RXRA: variants seen among roughly 807,000 people sequenced by gnomAD.
The protein encoded by RXRA is retinoid X receptor alpha.
In RXRA, 5 loss-of-function variants were observed where a neutral mutation model predicts 44.5. The observed-to-expected ratio is 0.11, with a 90% CI of 0.06 to 0.24. The LOEUF is 0.24. RXRA is among the 10% of genes least tolerant of loss of function. The pLI, the probability that RXRA is intolerant of heterozygous loss-of-function variation, is 1.00. For missense variants in RXRA, 412 were observed against 646.5 expected (o/e 0.64, Z 3.93); for synonymous variants, 291 against 271.4 (o/e 1.07, Z -0.71).
intron 1 of RXRA, among the ~76,000 whole-genome samples, chr9:134,367,716 C>G (rs1191269822): frequency 6.6e-6 from 1 of 152,218 alleles, no homozygotes; most frequent in African/African-American, 2.4e-5. Flanking sequence ...CCAAGGGGCA[C>G]AGAGCCTCCT....
At position 134,411,414 on chromosome 9, in the gene RXRA, C is replaced by G. The variant is rs1831146766; in HGVS notation, c.610+2295C>G. Among the ~76,000 whole-genome samples, 3 of 152,204 alleles carry G rather than the reference C, an allele frequency of 2.0e-5. No individual in the cohort carries two copies. In the South Asian group the frequency reaches 6.2e-4, roughly 31 times the overall value. On this transcript the variant is annotated intron_variant, in intron 4 of 9. Transcript: ENST00000481739. ...TAGGAGCAGCTCATGTGGGGGACCA[C>G]CCTGGACACCCCCTTCCTGATCCCC...
intron 2 of RXRA, chr9:134,402,703 C>G (rs1314168093): frequency 6.6e-6 from 1 of 152,112 alleles, no homozygotes; most frequent in Admixed American, 6.5e-5. Flanking sequence ...GGCTGGGCCT[C>G]GTCCCCTGGC....
At chr9:134,392,547 C>T (rs1830816391) in intron 1 of RXRA, among the ~76,000 whole-genome samples, 1 of 152,176 alleles carries the variant, frequency 6.6e-6, no homozygotes, top group African/African-American at 2.4e-5. Flanking sequence ...CGATTTCCAT[C>T]ACGGCTCTCC....
rs557051043 is a variant in RXRA, at chr9:134,417,822, G to A, written c.780+495G>A. 2.0e-5 allele frequency among the ~76,000 whole-genome samples: 3 copies of A among 152,148 alleles called. No individual in the cohort carries two copies. In the South Asian group the frequency reaches 6.2e-4, roughly 32 times the overall value. ...CCCGGCAGTCGCGGTGGCTGCTGTTGATACAGGAAGCAGCTCTGCAGCCCC... is the reference window on the plus strand; with the variant it reads ...CCCGGCAGTCGCGGTGGCTGCTGTTAATACAGGAAGCAGCTCTGCAGCCCC... On this transcript the variant is annotated intron_variant, in intron 5 of 9. Transcript: ENST00000481739. This position sits in a 1 kb window ranked among gnomAD's most constrained non-coding sequence, Gnocchi z 6.1.
chr9:134,340,500 T>G (rs976478204), intron 1 of RXRA, among the ~76,000 whole-genome samples: 1 of 152,114 alleles, frequency 6.6e-6, no homozygotes, highest in African/African-American at 2.4e-5. Context: ...CAGTATGTTT[T>G]GGTCTAAGTG....
chr9:134,356,497 A>G (rs1049186552), intron 1 of RXRA, among the ~76,000 whole-genome samples: 1 of 152,076 alleles, frequency 6.6e-6, no homozygotes, highest in Admixed American at 6.5e-5. Flanking sequence ...TTCGGGGTAT[A>G]TAGAGCAGCA....
chr9:134,434,213 TC>T lies in RXRA; in HGVS notation c.1241+9del. 1 of 1,599,708 alleles carries T rather than the reference TC, an allele frequency of 6.3e-7. No individual in the cohort carries two copies. The highest frequency in any genetic ancestry group is 8.6e-7 in the Non-Finnish European group (1 of 1,167,678). On this transcript the variant is annotated splice_region_variant and intron_variant, in intron 9 of 9. Coordinates refer to ENST00000481739, the MANE Select transcript of RXRA (RefSeq NM_002957.6). The stretch of plus-strand genomic sequence containing the variant: ...TACCCAGAGCAGCCGGGAAGGTGGG[TC>T]CCGCCCCGTCCCACACACACCCCAG...
chr9:134,377,102 C>A (rs989795143), intron 1 of RXRA, among the ~76,000 whole-genome samples: 4 of 152,326 alleles, frequency 2.6e-5, no homozygotes, highest in Admixed American at 2.6e-4. Flanking sequence ...GGGGACCTGG[C>A]CAGTCTTGCT....
intron 6 of RXRA, chr9:134,423,220 C>T (rs1368712533): frequency 4.4e-5 from 43 of 985,288 alleles, no homozygotes; most frequent in Non-Finnish European, 5.2e-5. Flanking sequence ...GCTGGTGAAG[C>T]AACACGTTGG....
rs1247121200 is a variant in RXRA, at chr9:134,417,418, G to T, written c.780+91G>T. ...TCCCACCTGAGCAGCTGATGAGCCA[G>T]AGAGGTCCTGGGGGCTGCCCTGGGC... On this transcript the variant is annotated intron_variant, in intron 5 of 9. Transcript: ENST00000481739. This position sits in a 1 kb window ranked among gnomAD's most constrained non-coding sequence, Gnocchi z 6.1. The T allele has an allele frequency of 1.4e-6, 2 of 1,467,248 alleles. No individual in the cohort carries two copies. The highest frequency in any genetic ancestry group is 1.9e-6 in the Non-Finnish European group (2 of 1,080,842). The allele number at this position is 1,467,248 out of a possible 1,614,324, so 90.9% of individuals were successfully genotyped here.
intron 1 of RXRA, among the ~76,000 whole-genome samples, chr9:134,351,937 G>A (rs1396488461): frequency 6.6e-6 from 1 of 152,058 alleles, no homozygotes; most frequent in African/African-American, 2.4e-5. Flanking sequence ...GCACGTGTGC[G>A]TGCATGTGGC....
intron 1 of RXRA, among the ~76,000 whole-genome samples, chr9:134,387,605 C>T (rs147115722): frequency 1.3e-5 from 2 of 152,350 alleles, no homozygotes; most frequent in African/African-American, 2.4e-5. Context: ...GGAGCTGACA[C>T]CTGAAATAGA....
At chr9:134,345,007 C>T (rs569666659) in intron 1 of RXRA, among the ~76,000 whole-genome samples, 27 of 152,216 alleles carry the variant, frequency 1.8e-4, no homozygotes, top group Non-Finnish European at 3.5e-4. Context: ...ACCCCTGGGC[C>T]GTGTGCCTGG....
chr9:134,385,137 G>A (rs1348149293), intron 1 of RXRA, among the ~76,000 whole-genome samples: 1 of 152,218 alleles, frequency 6.6e-6, no homozygotes, highest in African/African-American at 2.4e-5. Flanking sequence ...AGCCTGTTGT[G>A]GACAGAGCTG....
chr9:134,370,027 T>C (rs1174137484), intron 1 of RXRA, among the ~76,000 whole-genome samples: 1 of 152,178 alleles, frequency 6.6e-6, no homozygotes, highest in Non-Finnish European at 1.5e-5. Context: ...CGTTTCCCTT[T>C]GCTGGACTGG....
rs1053690040 is a variant in RXRA at position 134,438,443 on chromosome 9, T to G, written c.*1829T>G. On this transcript the variant is annotated 3_prime_UTR_variant, in exon 10 of 10. Coordinates refer to ENST00000481739, the MANE Select transcript of RXRA (RefSeq NM_002957.6). ...GTGCCCGAGACAGGCTGTCAGAGAT[T>G]CCAGAAGCCTCTCCTCCCCGCCGCC... 1 of 152,204 alleles carries G rather than the reference T, an allele frequency of 6.6e-6. No individual in the cohort carries two copies. The highest frequency in any genetic ancestry group is 1.5e-5 in the Non-Finnish European group (1 of 68,048). The allele number at this position is 152,204 out of a possible 1,614,324, so 9.4% of individuals were successfully genotyped here. A position where few individuals can be genotyped will look rare whatever the true frequency, so the allele number is the denominator to read the frequency against.
At chr9:134,422,736 C>T (rs1458548278) in intron 6 of RXRA, 1 of 985,332 alleles carries the variant, frequency 1.0e-6, no homozygotes, top group Non-Finnish European at 1.2e-6. Context: ...GGGGAAGGGC[C>T]TGGGGCCTCA....
At chr9:134,400,500 G>A (rs934572110) in intron 1 of RXRA, among the ~76,000 whole-genome samples, 1 of 152,216 alleles carries the variant, frequency 6.6e-6, no homozygotes, top group Admixed American at 6.5e-5. Context: ...GGCTTGCCCC[G>A]TGTGCCCAGC....
At chr9:134,401,068 G>A (rs934557598) in intron 1 of RXRA, among the ~76,000 whole-genome samples, 2 of 152,236 alleles carry the variant, frequency 1.3e-5, no homozygotes, top group Non-Finnish European at 2.9e-5. Flanking sequence ...AGTACTCAGG[G>A]CCTGGCTTCC....
Sources: gnomAD v4.1 joint callset for allele counts (sites outside exome capture counted in the v4.1 genomes callset) on GRCh38, gnomAD v4.1.1 for gene constraint, Gnocchi (gnomAD v3.1) non-coding constraint, MANE v1.5 for transcripts, NCBI Gene and HGNC (gene_info 2026-07-23, HGNC 2026-07-21) for gene names.